Variants in SH3KBP1 observed in about 807,000 individuals in gnomAD.
SH3KBP1 encodes the protein SH3 domain containing kinase binding protein 1.
Under a neutral mutation model 50.1 loss-of-function variants are expected in SH3KBP1, and 8 were observed. That is an observed-to-expected ratio of 0.16 (90% confidence interval 0.09 to 0.29). SH3KBP1 has a LOEUF of 0.29. Ranked by LOEUF, SH3KBP1 falls within the 10% of genes least tolerant of loss-of-function variation. SH3KBP1 has a pLI of 1.00. For synonymous variants in SH3KBP1, 227 were observed against 218.6 expected, an observed-to-expected ratio of 1.04 and a Z score of -0.34; for missense variants, 377 against 535.2, an observed-to-expected ratio of 0.70 and a Z score of 2.92.
chrX:19,552,366 G>T, intron 13 of SH3KBP1, among the ~76,000 whole-genome samples: 1 of 110,907 alleles, frequency 9.0e-6, no homozygotes, highest in Non-Finnish European at 1.9e-5. Context: ...GTTTGTTGGG[G>T]GCCGGGCGGG....
chrX:19,671,949 A>T (rs1449784302), intron 6 of SH3KBP1, among the ~76,000 whole-genome samples: 1 of 112,115 alleles, frequency 8.9e-6, no homozygotes, highest in East Asian at 2.8e-4. Context: ...GTTAATATTT[A>T]AATTTTTAAT....
intron 1 of SH3KBP1, among the ~76,000 whole-genome samples, chrX:19,849,036 T>C (rs917203543): frequency 9.0e-5 from 10 of 110,801 alleles, no homozygotes; most frequent in African/African-American, 3.3e-4. Context: ...TCTCGAACTC[T>C]TGGGCTCAAA....
chrX:19,692,671 ATG>A (rs1207468542), intron 5 of SH3KBP1, among the ~76,000 whole-genome samples: 672 of 57,098 alleles, frequency 0.012, 19 homozygotes, highest in African/African-American at 0.038. Flanking sequence ...GTGTGTGTGT[ATG>A]TATATATATA....
chrX:19,669,871 G>T (rs1352807146), intron 6 of SH3KBP1, among the ~76,000 whole-genome samples: 2 of 103,665 alleles, frequency 1.9e-5, no homozygotes, highest in Non-Finnish European at 1.9e-5. Flanking sequence ...AAAACAATGT[G>T]TTTCCTTTTG....
At chrX:19,598,967 G>A (rs1448657339) in intron 9 of SH3KBP1, among the ~76,000 whole-genome samples, 1 of 112,161 alleles carries the variant, frequency 8.9e-6, no homozygotes, top group African/African-American at 3.2e-5. Flanking sequence ...TCCACATAGG[G>A]TTACCACAAC....
chrX:19,886,772 G>A (rs1174180837), intron 1 of SH3KBP1, among the ~76,000 whole-genome samples: 1 of 109,734 alleles, frequency 9.1e-6, no homozygotes, highest in African/African-American at 3.3e-5. Context: ...CCGGGACTGC[G>A]AGCCAGACCA....
At chrX:19,729,027 T>C (rs1393507446) in intron 3 of SH3KBP1, among the ~76,000 whole-genome samples, 1 of 112,647 alleles carries the variant, frequency 8.9e-6, no homozygotes, top group African/African-American at 3.2e-5. Context: ...TGAGGGTGTC[T>C]GAATCATCCT....
chrX:19,691,356 C>CTATATA (rs1258274594), intron 5 of SH3KBP1, among the ~76,000 whole-genome samples: 3 of 73,534 alleles, frequency 4.1e-5, no homozygotes, highest in African/African-American at 1.1e-4. Context: ...CTCTCTCTCT[C>CTATATA]TATATATATA....
intron 1 of SH3KBP1, among the ~76,000 whole-genome samples, chrX:19,886,414 C>T (rs961768951): frequency 8.9e-6 from 1 of 112,162 alleles, no homozygotes; most frequent in Non-Finnish European, 1.9e-5. Flanking sequence ...AGAACATTAC[C>T]TGGGTAGACC....
At chrX:19,758,581 C>T (rs1307634881) in intron 2 of SH3KBP1, among the ~76,000 whole-genome samples, 4 of 111,048 alleles carry the variant, frequency 3.6e-5, no homozygotes, top group Non-Finnish European at 7.6e-5. Flanking sequence ...GCATTTTTCC[C>T]ATCAAAGTCT....
chrX:19,831,820 A>G (rs975356464), intron 2 of SH3KBP1, among the ~76,000 whole-genome samples: 2 of 109,170 alleles, frequency 1.8e-5, no homozygotes, highest in African/African-American at 6.7e-5. Context: ...ACATTCCACA[A>G]AACTACCCAA....
At chrX:19,664,236 T>C (rs775225319) in intron 6 of SH3KBP1, among the ~76,000 whole-genome samples, 4 of 111,686 alleles carry the variant, frequency 3.6e-5, no homozygotes, top group African/African-American at 6.5e-5. Context: ...TCTCTACCAC[T>C]CCTGATTTCT....
At chrX:19,788,269 CAAAAAAA>C (rs1227301099) in intron 2 of SH3KBP1, among the ~76,000 whole-genome samples, 1 of 25,585 alleles carries the variant, frequency 3.9e-5, no homozygotes, top group African/African-American at 1.0e-4. Flanking sequence ...ATTCTATCTC[CAAAAAAA>C]AAAAAAAAAC....
At chrX:19,603,791 G>A (rs924994948) in intron 9 of SH3KBP1, among the ~76,000 whole-genome samples, 4 of 111,399 alleles carry the variant, frequency 3.6e-5, no homozygotes, top group East Asian at 2.8e-4. Flanking sequence ...GGGCCCAAGC[G>A]ATCCCCCAAA....
chrX:19,793,931 T>A (rs1346834193), intron 2 of SH3KBP1, among the ~76,000 whole-genome samples: 1 of 111,001 alleles, frequency 9.0e-6, no homozygotes, highest in Non-Finnish European at 1.9e-5. Context: ...CTTCTCTGTG[T>A]CTCAGTTTCC....
At chrX:19,545,777 T>A (rs2065065109) in intron 15 of SH3KBP1, 145 bp downstream of exon 15, 3 of 646,867 alleles carry the variant, frequency 4.6e-6, no homozygotes, top group Non-Finnish European at 7.1e-6. Context: ...GCAACATGCC[T>A]TGGGGATTTT....
intron 12 of SH3KBP1, among the ~76,000 whole-genome samples, chrX:19,585,230 T>A (rs929186309): frequency 4.5e-5 from 5 of 111,659 alleles, no homozygotes; most frequent in Admixed American, 1.9e-4. Flanking sequence ...ATGTACTAAA[T>A]GTACTAAATG....
intron 1 of SH3KBP1, among the ~76,000 whole-genome samples, chrX:19,845,014 G>A (rs906972731): frequency 9.0e-6 from 1 of 111,483 alleles, no homozygotes; most frequent in African/African-American, 3.3e-5. Flanking sequence ...GGGAGGCAGA[G>A]GTTGCAGTGA....
intron 2 of SH3KBP1, among the ~76,000 whole-genome samples, chrX:19,786,582 G>A (rs747468987): frequency 8.9e-6 from 1 of 112,143 alleles, no homozygotes; most frequent in East Asian, 2.8e-4. Flanking sequence ...TAGCAACAGT[G>A]TGACCAAATA....
Sources: gnomAD v4.1 joint callset for allele counts (sites outside exome capture counted in the v4.1 genomes callset) on GRCh38, gnomAD v4.1.1 for gene constraint, MANE v1.5 for transcripts, NCBI Gene and HGNC (gene_info 2026-07-23, HGNC 2026-07-21) for gene names.